Variants in PRKDC observed in about 807,000 individuals in gnomAD.
PRKDC encodes DNA-dependent protein kinase catalytic subunit.
PRKDC carries 82 observed loss-of-function variants against 486.9 expected under a neutral mutation model. The ratio of observed to expected loss-of-function variants is 0.17; its 90% CI spans 0.14 to 0.20. PRKDC has a LOEUF of 0.20. Ranked by LOEUF, PRKDC falls within the 10% of genes least tolerant of loss-of-function variation. The pLI is 1.00. For synonymous variants in PRKDC, 1,895 were observed against 1,837.0 expected (o/e 1.03, Z -0.81); for missense variants, 4,504 against 5,038.2 (o/e 0.89, Z 3.21).
chr8:47,808,129 A>T (rs553413447), intron 68 of PRKDC, among the ~76,000 whole-genome samples: 2 of 152,248 alleles, frequency 1.3e-5, no homozygotes, highest in African/African-American at 4.8e-5. Flanking sequence ...AACAGTTTAA[A>T]ATCACTGAAA....
intron 27 of PRKDC, among the ~76,000 whole-genome samples, chr8:47,902,282 TG>T (rs977732800): frequency 2.6e-5 from 4 of 152,232 alleles, no homozygotes; most frequent in Non-Finnish European, 5.9e-5. Context: ...TTGCTCACCC[TG>T]GATCAGCTAC....
At chr8:47,877,417 T>C (rs1307168384) in intron 40 of PRKDC, among the ~76,000 whole-genome samples, 1 of 152,188 alleles carries the variant, frequency 6.6e-6, no homozygotes, top group African/African-American at 2.4e-5. Flanking sequence ...TGAAACGACA[T>C]GGTGTCACAG....
intron 10 of PRKDC, among the ~76,000 whole-genome samples, chr8:47,942,765 G>A (rs560748241): frequency 3.3e-5 from 5 of 152,300 alleles, no homozygotes; most frequent in African/African-American, 1.2e-4. Context: ...ACATACGCAG[G>A]TACAGATTCT....
chr8:47,899,329 G>T (rs2089638598), intron 28 of PRKDC, among the ~76,000 whole-genome samples: 2 of 152,284 alleles, frequency 1.3e-5, no homozygotes, highest in African/African-American at 4.8e-5. Context: ...AAGGATAACA[G>T]AGCTCAGTCT....
At chr8:47,831,267 G>C (rs1446514087) in intron 60 of PRKDC, among the ~76,000 whole-genome samples, 1 of 152,254 alleles carries the variant, frequency 6.6e-6, no homozygotes, top group Non-Finnish European at 1.5e-5. Flanking sequence ...TTCACACCCA[G>C]ATGTGGATGG....
At chr8:47,897,347 GCTAC>G (rs1315634095) in intron 29 of PRKDC, 53 bp from the exon 30 acceptor site, 1 of 1,465,730 alleles carries the variant, frequency 6.8e-7, no homozygotes, top group Non-Finnish European at 9.1e-7. Context: ...GCAACATTCA[GCTAC>G]CAAGGCTCTA....
chr8:47,932,184 T>C (rs2154503625), intron 16 of PRKDC, among the ~76,000 whole-genome samples: 1 of 151,874 alleles, frequency 6.6e-6, no homozygotes, highest in East Asian at 1.9e-4. Flanking sequence ...CCCAGGTTCA[T>C]GCCATTCTCC....
chr8:47,890,209 T>C (rs1237437264), intron 32 of PRKDC, 48 bp downstream of exon 32: 3 of 1,328,380 alleles, frequency 2.3e-6, no homozygotes, highest in Non-Finnish European at 3.1e-6. Flanking sequence ...ACCTTTGAAG[T>C]AGTTTTCCAG....
chr8:47,907,628 G>A (rs978256611), intron 25 of PRKDC, among the ~76,000 whole-genome samples: 11 of 144,694 alleles, frequency 7.6e-5, no homozygotes, highest in Non-Finnish European at 4.5e-5. Context: ...TCTGACTCCC[G>A]GGTTCAAGTG....
At position 47,858,940 on chromosome 8, in the gene PRKDC, A is replaced by G. The variant is rs779787058; in HGVS notation, c.6254T>C (p.Met2085Thr). The change falls in exon 47 of 86, where the codon ATG (methionine) becomes ACG (threonine). Residue 2085 changes from methionine to threonine, a missense_variant. Physicochemically the swap from Met to Thr is moderately conservative, Grantham distance 81. Coordinates refer to ENST00000314191, the MANE Select transcript of PRKDC (RefSeq NM_006904.7). ...TVHDDVLELE[M>T]DELNRHECMA... ...GCACTCATGCCGATTGAGCTCGTCCATCTCCAGCTCCAGCACATCATCATG... is the reference window on the plus strand; with the variant it reads ...GCACTCATGCCGATTGAGCTCGTCCGTCTCCAGCTCCAGCACATCATCATG... 1.9e-6 allele frequency: 3 copies of G among 1,613,692 alleles called. No individual in the cohort carries two copies. In the South Asian group the frequency reaches 3.3e-5, roughly 18 times the overall value.
chr8:47,901,811 T>A (rs1258368036), intron 27 of PRKDC, among the ~76,000 whole-genome samples: 1 of 152,098 alleles, frequency 6.6e-6, no homozygotes, highest in Non-Finnish European at 1.5e-5. Context: ...GTTACACAGG[T>A]AAATGTGGTA....
chr8:47,866,296 T>C (rs1186144732), intron 40 of PRKDC, among the ~76,000 whole-genome samples: 1 of 152,170 alleles, frequency 6.6e-6, no homozygotes, highest in Non-Finnish European at 1.5e-5. Context: ...AGCACGTTCT[T>C]GGACTTCCCA....
chr8:47,920,306 G>C (rs1459437117), intron 21 of PRKDC, among the ~76,000 whole-genome samples: 2 of 152,130 alleles, frequency 1.3e-5, no homozygotes, highest in South Asian at 2.1e-4. Context: ...GGCTATGTCT[G>C]TATCTCCTGG....
intron 74 of PRKDC, among the ~76,000 whole-genome samples, chr8:47,792,776 AAG>A (rs1400740691): frequency 1.3e-5 from 2 of 152,222 alleles, no homozygotes; most frequent in Non-Finnish European, 2.9e-5. Context: ...AAAATAAAAA[AAG>A]AGCTGCTCTT....
At chr8:47,794,633 T>C (rs1370526950) in intron 73 of PRKDC, 132 bp from the exon 74 acceptor site, 3 of 769,386 alleles carry the variant, frequency 3.9e-6, no homozygotes, top group African/African-American at 3.5e-5. Context: ...TTCCATCCCC[T>C]AGCTCTCTTC....
intron 13 of PRKDC, 62 bp downstream of exon 13, chr8:47,935,670 T>C: frequency 6.5e-7 from 1 of 1,533,006 alleles, no homozygotes; most frequent in Admixed American, 1.8e-5. Flanking sequence ...TCTCTTTACC[T>C]ATATCAAATA....
chr8:47,958,752 T>G (rs7015407), intron 1 of PRKDC, among the ~76,000 whole-genome samples: 6 of 151,720 alleles, frequency 4.0e-5, no homozygotes, highest in African/African-American at 1.5e-4. Context: ...TTTTTTTTTT[T>G]TGGGACGGAG....
chr8:47,800,904 C>T lies in PRKDC; in HGVS notation c.10005G>A (p.Arg3335=). 1 of 1,613,888 alleles carries T rather than the reference C, an allele frequency of 6.2e-7. No individual in the cohort carries two copies. The highest frequency in any genetic ancestry group is 8.5e-7 in the Non-Finnish European group (1 of 1,179,862). ...CACTGCTGAGAGCATTCGCTATGAT[C>T]CTGTAAGTTGTACCCAAGAGAATGT... ...DQNILLGTTY[R]IIANALSSEP... Residue 3335 remains arginine (R), a synonymous_variant, in exon 71 of 86, where the codon AGG becomes AGA. Coordinates refer to ENST00000314191, the MANE Select transcript of PRKDC (RefSeq NM_006904.7).
intron 45 of PRKDC, 41 bp downstream of exon 45, chr8:47,860,858 A>C: frequency 6.8e-7 from 1 of 1,479,584 alleles, no homozygotes; most frequent in Non-Finnish European, 9.3e-7. Flanking sequence ...AAAATAACCC[A>C]TCGATTTGAA....
Sources: gnomAD v4.1 joint callset for allele counts (sites outside exome capture counted in the v4.1 genomes callset) on GRCh38, gnomAD v4.1.1 for gene constraint, MANE v1.5 for transcripts, NCBI Gene and HGNC (gene_info 2026-07-23, HGNC 2026-07-21) for gene names.